SFMBT2: variants seen among roughly 807,000 people sequenced by gnomAD.
The protein encoded by SFMBT2 is Scm like with four mbt domains 2, also known as scm-like with four MBT domains protein 2.
In SFMBT2, 38 loss-of-function variants were observed where a neutral mutation model predicts 110.1. That is an observed-to-expected ratio of 0.35 (90% CI 0.27 to 0.45). The LOEUF (loss-of-function observed/expected upper bound fraction) is 0.45. Ranked by LOEUF, SFMBT2 falls within the 20% of genes least tolerant of loss-of-function variation. SFMBT2 has a pLI of 1.00. For synonymous variants in SFMBT2, 425 were observed against 425.4 expected, an observed-to-expected ratio of 1.00 and a Z score of 0.01; for missense variants, 1,011 against 1,094.9, an observed-to-expected ratio of 0.92 and a Z score of 1.08.
intron 7 of SFMBT2, among the ~76,000 whole-genome samples, chr10:7,258,324 C>T (rs1030320775): frequency 6.6e-6 from 1 of 152,200 alleles, no homozygotes; most frequent in African/African-American, 2.4e-5. Flanking sequence ...ACCTTCGGTC[C>T]TTTGCTTCTT....
At position 7,171,557 on chromosome 10, in the gene SFMBT2, A is replaced by G; in HGVS notation, c.2415+338T>C. 1 of 985,424 alleles carries G rather than the reference A, an allele frequency of 1.0e-6. No individual in the cohort carries two copies. The highest frequency in any genetic ancestry group is 1.2e-6 in the Non-Finnish European group (1 of 829,912). The allele number at this position is 985,424 out of a possible 1,614,324, so 61.0% of individuals were successfully genotyped here. A position where few individuals can be genotyped will look rare whatever the true frequency, so the allele number is the denominator to read the frequency against. On this transcript the variant is annotated intron_variant, in intron 19 of 20. Coordinates refer to ENST00000397167, the MANE Select transcript of SFMBT2 (RefSeq NM_001387889.1). The surrounding 1 kb of genome is among the most constrained non-coding windows in gnomAD (Gnocchi z 4.9). ...TAGAGGGGACGTGGGAGCAAGACAC[A>G]GCGCAGTCAGGGGAGATGCGGGGAA...
chr10:7,251,379 C>T (rs1354138054), intron 7 of SFMBT2, among the ~76,000 whole-genome samples: 1 of 152,054 alleles, frequency 6.6e-6, no homozygotes, highest in Non-Finnish European at 1.5e-5. Context: ...GAGGCAGAGG[C>T]AGGACAATCA....
intron 4 of SFMBT2, among the ~76,000 whole-genome samples, chr10:7,286,890 T>C (rs182159506): frequency 1.4e-4 from 22 of 152,078 alleles, no homozygotes; most frequent in Admixed American, 3.3e-4. Context: ...GAAGTCAACA[T>C]AGACGCTTAA....
intron 20 of SFMBT2, among the ~76,000 whole-genome samples, chr10:7,169,914 T>C (rs1448841273): frequency 1.3e-5 from 2 of 152,190 alleles, no homozygotes; most frequent in African/African-American, 4.8e-5. Context: ...TGTTATTGCA[T>C]TTGTCCATCA....
chr10:7,281,194 C>T (rs1419459814), intron 6 of SFMBT2, among the ~76,000 whole-genome samples: 7 of 152,052 alleles, frequency 4.6e-5, no homozygotes, highest in Admixed American at 3.3e-4. Flanking sequence ...TGCAATGAGC[C>T]GAGATCATGC....
chr10:7,283,251 A>T (rs770489406), intron 6 of SFMBT2, among the ~76,000 whole-genome samples: 1 of 152,266 alleles, frequency 6.6e-6, no homozygotes, highest in Non-Finnish European at 1.5e-5. Context: ...GACAGAGAGC[A>T]TAAGGCAGGA....
chr10:7,181,913 T>C (rs919968748), intron 16 of SFMBT2, among the ~76,000 whole-genome samples: 1 of 152,248 alleles, frequency 6.6e-6, no homozygotes, highest in Non-Finnish European at 1.5e-5. Flanking sequence ...GTAATGAAGC[T>C]ACTGACATAT....
intron 14 of SFMBT2, among the ~76,000 whole-genome samples, chr10:7,198,969 A>G (rs1473823417): frequency 6.6e-6 from 1 of 152,158 alleles, no homozygotes; most frequent in Non-Finnish European, 1.5e-5. Flanking sequence ...CAAAAAAAGA[A>G]GAAAGTTTTT....
chr10:7,277,702 C>T (rs2131827090), intron 6 of SFMBT2, among the ~76,000 whole-genome samples: 1 of 152,056 alleles, frequency 6.6e-6, no homozygotes, highest in East Asian at 1.9e-4. Context: ...AATTTTATGG[C>T]CTGATCTCAA....
Position 7,283,951 on chromosome 10 carries a change from G to A in SFMBT2, c.725C>T (p.Pro242Leu). ...WLFYLDYRLR[P>L]VGWCQENKYR... ...TTTATTCTCTTGACACCAACCAACT[G>A]GTCGAAGTCTGTAATCCAAGTAAAA... Residue 242 changes from proline to leucine, a missense_variant, in exon 6 of 21, where the codon CCA (proline) becomes CTA (leucine). Around this residue, in one of 2 missense-constraint regions of SFMBT2, gnomAD observed 979 missense variants for 1,016.1 expected, o/e 0.96. Transcript: ENST00000397167. The A allele has an allele frequency of 6.2e-7, 1 of 1,606,814 alleles. No homozygotes were observed. The highest frequency in any genetic ancestry group is 8.5e-7 in the Non-Finnish European group (1 of 1,173,304).
chr10:7,243,031 T>C (rs2692817), intron 9 of SFMBT2, among the ~76,000 whole-genome samples: 151,091 of 152,362 alleles, frequency 0.99, 74,918 homozygotes, highest in Middle Eastern at 1. Flanking sequence ...AAGACTGGCA[T>C]TCACTAACAA....
chr10:7,263,800 C>T (rs538679007), intron 7 of SFMBT2, among the ~76,000 whole-genome samples: 3 of 152,328 alleles, frequency 2.0e-5, no homozygotes, highest in African/African-American at 7.2e-5. Context: ...TGCAGCCTCA[C>T]AATCTATCGT....
At chr10:7,247,192 C>T (rs1175542195) in intron 8 of SFMBT2, among the ~76,000 whole-genome samples, 1 of 152,202 alleles carries the variant, frequency 6.6e-6, no homozygotes. Flanking sequence ...TCTCAGCTCA[C>T]TACAACCTCT....
rs552314279 is a variant in SFMBT2, at chr10:7,351,478, T to C, written c.436+16171A>G. Among the ~76,000 whole-genome samples the C allele has an allele frequency of 1.7e-4, 26 of 152,310 alleles. 1 individual carries two copies. In the South Asian group the frequency reaches 5.0e-3, roughly 29 times the overall value. ...GGTCTCATTATCTCCAGTTTACATA[T>C]GGGAATACTGCAGGTCACAAAGTTG... is the stretch of plus-strand genomic sequence containing the variant. On this transcript the variant is annotated intron_variant, in intron 4 of 20. Coordinates refer to ENST00000397167, the MANE Select transcript of SFMBT2 (RefSeq NM_001387889.1).
rs1026076059 is a variant in SFMBT2, at chr10:7,243,323, G to A, written c.1120+235C>T. Among the ~76,000 whole-genome samples the A allele has an allele frequency of 3.9e-5, 6 of 152,246 alleles. No individual in the cohort carries two copies. In the South Asian group the frequency reaches 6.2e-4, roughly 16 times the overall value. ...ATAGCAGCACATCTGCCAATAATGCGGTAACGGATGGGGAAACTCCTGTGG... is the reference window on the plus strand; with the variant it reads ...ATAGCAGCACATCTGCCAATAATGCAGTAACGGATGGGGAAACTCCTGTGG... On this transcript the variant is annotated intron_variant, in intron 9 of 20. Transcript: ENST00000397167.
At chr10:7,241,576 C>T (rs148711389) in intron 9 of SFMBT2, among the ~76,000 whole-genome samples, 41 of 152,144 alleles carry the variant, frequency 2.7e-4, no homozygotes, top group African/African-American at 9.4e-4. Flanking sequence ...ATGATCATAA[C>T]TAAATATTAT....
At chr10:7,376,482 G>A (rs749663498) in intron 2 of SFMBT2, among the ~76,000 whole-genome samples, 30 of 151,914 alleles carry the variant, frequency 2.0e-4, no homozygotes, top group Admixed American at 1.1e-3. Context: ...GGCGGATCAC[G>A]AGGTCAAGAG....
chr10:7,254,552 T>A (rs1588388613), intron 7 of SFMBT2, among the ~76,000 whole-genome samples: 1 of 152,120 alleles, frequency 6.6e-6, no homozygotes, highest in Non-Finnish European at 1.5e-5. Flanking sequence ...CCAGGCGCGG[T>A]GGCTCACATC....
chr10:7,368,005 A>T, intron 3 of SFMBT2, 116 bp from the exon 4 acceptor site: 1 of 1,406,130 alleles, frequency 7.1e-7, no homozygotes, highest in East Asian at 2.4e-5. Context: ...GTTGCTCTAA[A>T]ACAGGCATGT....
Sources: gnomAD v4.1 joint callset for allele counts (sites outside exome capture counted in the v4.1 genomes callset) on GRCh38, gnomAD v4.1.1 for gene constraint, gnomAD v4.1.1 regional missense constraint, Gnocchi (gnomAD v3.1) non-coding constraint, MANE v1.5 for transcripts, NCBI Gene and HGNC (gene_info 2026-07-23, HGNC 2026-07-21) for gene names.